PRSS35: variants seen among roughly 807,000 people sequenced by gnomAD.
PRSS35 encodes inactive serine protease 35.
Under a neutral mutation model 8.1 loss-of-function variants are expected in PRSS35, and 7 were observed. The ratio of observed to expected loss-of-function variants is 0.86; its 90% CI spans 0.49 to 1.62. The LOEUF (loss-of-function observed/expected upper bound fraction) is 1.62, where lower values mean the gene tolerates loss of function less well. PRSS35 is among the 40% of genes most tolerant of loss of function. The pLI, the probability that PRSS35 is intolerant of heterozygous loss-of-function variation, is 0.00. For synonymous variants in PRSS35, 199 were observed against 188.7 expected (o/e 1.05, Z -0.45); for missense variants, 566 against 518.0 (o/e 1.09, Z -0.90).
intron 1 of PRSS35, among the ~76,000 whole-genome samples, chr6:83,513,440 G>T (rs1487334839): frequency 2.0e-5 from 3 of 152,162 alleles, no homozygotes; most frequent in South Asian, 2.1e-4. Context: ...TGTCTAGGGG[G>T]CTTTCACCCC....
At chr6:83,523,293 C>A in intron 1 of PRSS35, 129 bp from the exon 2 acceptor site, 1 of 686,840 alleles carries the variant, frequency 1.5e-6, no homozygotes, top group Non-Finnish European at 2.4e-6. Context: ...TCAATAAAAT[C>A]TAGGTAAGGT....
rs780712654 is a variant in PRSS35, at chr6:83,524,519, A to C, written c.1078A>C (p.Lys360Gln). The part of the protein sequence containing the change: ...VYLRLKDPDK[K>Q]NWKRKIIAVY... ...TCTGCGTCTGAAAGATCCAGACAAA[A>C]AGAATTGGAAGCGCAAAATCATTGC... Residue 360 changes from lysine to glutamine, a missense_variant, in exon 2 of 2, where the codon AAG becomes CAG. Coordinates refer to ENST00000369700, the MANE Select transcript of PRSS35 (RefSeq NM_153362.3). The C allele has an allele frequency of 6.2e-7, 1 of 1,614,050 alleles. No individual in the cohort carries two copies. Among genetic ancestry groups the C allele is most frequent in the African/African-American group, 1.3e-5 (1 of 74,904 alleles).
At chr6:83,521,515 C>T (rs565101735) in intron 1 of PRSS35, among the ~76,000 whole-genome samples, 54 of 149,602 alleles carry the variant, frequency 3.6e-4, no homozygotes, top group African/African-American at 1.2e-3. Context: ...CACCTCCCCC[C>T]CTCCTCTCCT....
At position 83,524,750 on chromosome 6, in the gene PRSS35, G is replaced by T; in HGVS notation, c.*67G>T. 1 of 1,455,292 alleles carries T rather than the reference G, an allele frequency of 6.9e-7. No individual in the cohort carries two copies. Among genetic ancestry groups the T allele is most frequent in the Non-Finnish European group, 9.3e-7 (1 of 1,080,610 alleles). 90.1% of individuals were successfully genotyped at this position (1,455,292 alleles called of 1,614,324 possible). On this transcript the variant is annotated 3_prime_UTR_variant, in exon 2 of 2. Transcript: ENST00000369700. ...GAAAACCAGCTCTGCTTACCGTAGT[G>T]AGATCACTTCATAGGTTATGCCTGG... is the stretch of plus-strand genomic sequence containing the variant.
At chr6:83,513,084 G>A (rs908029804) in intron 1 of PRSS35, among the ~76,000 whole-genome samples, 2 of 152,042 alleles carry the variant, frequency 1.3e-5, no homozygotes, top group Non-Finnish European at 2.9e-5. Context: ...TTATCAACTT[G>A]GCTGCGGAGG....
In PRSS35 at chr6:83,512,701, A is replaced by G. The variant is rs2127712299; in HGVS notation, c.-21+7A>G. 6.6e-6 allele frequency: 1 copy of G among 152,372 alleles called. No individual in the cohort carries two copies. The highest frequency in any genetic ancestry group is 6.5e-5 in the Admixed American group (1 of 15,294). 9.4% of individuals were successfully genotyped at this position (152,372 alleles called of 1,614,324 possible). ...GACCAAACAAGCCTGGCAGGTAAAG[A>G]TGAAGCTCCCCAAACCCAACAACCT... is the stretch of plus-strand genomic sequence containing the variant. On this transcript the variant is annotated splice_region_variant and intron_variant, in intron 1 of 1. Transcript: ENST00000369700.
chr6:83,516,580 A>G (rs1771722083), intron 1 of PRSS35, among the ~76,000 whole-genome samples: 1 of 150,562 alleles, frequency 6.6e-6, no homozygotes, highest in East Asian at 1.9e-4. Context: ...CGTCTCAAAA[A>G]AAAAAAAAAA....
intron 1 of PRSS35, among the ~76,000 whole-genome samples, chr6:83,522,115 T>G (rs573130921): frequency 8.3e-4 from 127 of 152,138 alleles, no homozygotes; most frequent in African/African-American, 2.8e-3. Flanking sequence ...AAAAAAGAAA[T>G]AAATAAAATA....
Position 83,524,113 on chromosome 6 carries a change from G to A in PRSS35, c.672G>A (p.Arg224=), listed in dbSNP as rs193123884. The A allele has an allele frequency of 1.9e-6, 3 of 1,614,122 alleles. No individual in the cohort carries two copies. Among genetic ancestry groups the A allele is most frequent in the South Asian group, 2.2e-5 (2 of 91,080 alleles). Residue 224 remains arginine, a synonymous_variant, in exon 2 of 2, where the codon CGG becomes CGA. Transcript: ENST00000369700. ...GAGAGGGTACCAGAGAGCATCTGCG[G>A]GAGAGAGCGAAGGGTGGGAGAAGAA... The part of the protein sequence containing the change: ...DQREGTREHL[R]ERAKGGRRRK...
In PRSS35 at chr6:83,524,400, T is replaced by C. The variant is rs372801380; in HGVS notation, c.959T>C (p.Leu320Ser). The C allele has an allele frequency of 6.2e-7, 1 of 1,614,200 alleles. No individual in the cohort carries two copies. Among genetic ancestry groups the C allele is most frequent in the Non-Finnish European group, 8.5e-7 (1 of 1,180,046 alleles). ...SGFDNDRADQLVYRFCSVSDE... is the reference protein window; with the variant it reads ...SGFDNDRADQSVYRFCSVSDE... Reference sequence around the variant, plus strand: ...TTTGATAACGATAGGGCTGATCAGTTGGTCTATCGGTTTTGCAGTGTGTCC... The same window carrying C: ...TTTGATAACGATAGGGCTGATCAGTCGGTCTATCGGTTTTGCAGTGTGTCC... The change falls in exon 2 of 2, where the codon TTG (leucine) becomes TCG (serine). Residue 320 changes from leucine to serine, a missense_variant. Coordinates refer to ENST00000369700, the MANE Select transcript of PRSS35 (RefSeq NM_153362.3).
chr6:83,514,491 AT>A (rs1771677218), intron 1 of PRSS35, among the ~76,000 whole-genome samples: 1 of 152,268 alleles, frequency 6.6e-6, no homozygotes, highest in East Asian at 1.9e-4. Context: ...TTAAGCAGAC[AT>A]TTTTTTGGTC....
At position 83,525,382 on chromosome 6, in the gene PRSS35, A is replaced by G. The variant is rs1028041429; in HGVS notation, c.*699A>G. 2 of 167,062 alleles carry G rather than the reference A, an allele frequency of 1.2e-5. No individual in the cohort carries two copies. Among genetic ancestry groups the G allele is most frequent in the African/African-American group, 4.8e-5 (2 of 41,468 alleles). The allele number at this position is 167,062 out of a possible 1,614,324, so 10.3% of individuals were successfully genotyped here. On this transcript the variant is annotated 3_prime_UTR_variant, in exon 2 of 2. Coordinates refer to ENST00000369700, the MANE Select transcript of PRSS35 (RefSeq NM_153362.3). ...TATGAAATAAACCTAGTTTAGAAAT[A>G]GGGAAGCTGAGACATTTTAAGATCT...
chr6:83,524,651 C>A lies in PRSS35; in HGVS notation c.1210C>A (p.His404Asn). 6.2e-7 allele frequency: 1 copy of A among 1,612,326 alleles called. No individual in the cohort carries two copies. Among genetic ancestry groups the A allele is most frequent in the Middle Eastern group, 1.7e-4 (1 of 6,018 alleles). The part of the protein sequence containing the change: ...LKYAQICLWI[H>N]GNDANCAYG Reference sequence around the variant, plus strand: ...ATACGCCCAGATTTGCCTCTGGATTCACGGGAACGATGCCAATTGTGCTTA... The same window carrying A: ...ATACGCCCAGATTTGCCTCTGGATTAACGGGAACGATGCCAATTGTGCTTA... Residue 404 changes from histidine to asparagine, a missense_variant, in exon 2 of 2, where the codon CAC becomes AAC. His to Asn is a moderately conservative substitution (Grantham distance 68). Transcript: ENST00000369700.
At chr6:83,515,848 C>A (rs1269737808) in intron 1 of PRSS35, among the ~76,000 whole-genome samples, 1 of 151,338 alleles carries the variant, frequency 6.6e-6, no homozygotes, top group Non-Finnish European at 1.5e-5. Flanking sequence ...CGGAGTCTCG[C>A]TCTGTTGCCC....
chr6:83,521,577 A>G (rs1771823070), intron 1 of PRSS35, among the ~76,000 whole-genome samples: 1 of 146,490 alleles, frequency 6.8e-6, no homozygotes. Context: ...TGCCATGATC[A>G]TGGTTTACTG....
In PRSS35 at chr6:83,524,586, A is replaced by G. The variant is rs780968244; in HGVS notation, c.1145A>G (p.Gln382Arg). 2.5e-6 allele frequency: 4 copies of G among 1,614,084 alleles called. No individual in the cohort carries two copies. The highest frequency in any genetic ancestry group is 3.4e-6 in the Non-Finnish European group (4 of 1,180,048). ...GHQWVDVHGV[Q>R]KDYNVAVRIT... ...CAGTGGGTGGATGTCCACGGGGTTC[A>G]GAAGGACTACAACGTTGCTGTTCGC... Residue 382 changes from glutamine (Q) to arginine (R), a missense_variant, in exon 2 of 2, where the codon CAG becomes CGG. Physicochemically the swap from Gln to Arg is conservative, Grantham distance 43 (BLOSUM62 1). Transcript: ENST00000369700.
chr6:83,514,540 T>C (rs1771678084), intron 1 of PRSS35, among the ~76,000 whole-genome samples: 1 of 152,246 alleles, frequency 6.6e-6, no homozygotes, highest in Non-Finnish European at 1.5e-5. Flanking sequence ...AGTGCTATGG[T>C]ATGATATTTT....
intron 1 of PRSS35, among the ~76,000 whole-genome samples, chr6:83,514,240 T>C (rs972725332): frequency 1.3e-5 from 2 of 152,222 alleles, no homozygotes; most frequent in African/African-American, 4.8e-5. Flanking sequence ...CTATATGCTG[T>C]GCACTTCATA....
chr6:83,523,857 T>G lies in PRSS35; in HGVS notation c.416T>G (p.Leu139Ter). Residue 139 changes from leucine (L) to a stop codon, truncating the protein, a stop_gained, in exon 2 of 2, where the codon TTA becomes TGA. Transcript: ENST00000369700. LOFTEE classifies it low-confidence loss of function (END_TRUNC). ...SRFSILDKRF[L>*]TNFPFSTAVK... Reference sequence around the variant, plus strand: ...TTCAGCATCTTGGACAAAAGGTTCTTAACCAATTTCCCTTTCAGCACAGCT... The same window carrying G: ...TTCAGCATCTTGGACAAAAGGTTCTGAACCAATTTCCCTTTCAGCACAGCT... 1 of 1,614,190 alleles carries G rather than the reference T, an allele frequency of 6.2e-7. No homozygotes were observed. Among genetic ancestry groups the G allele is most frequent in the Non-Finnish European group, 8.5e-7 (1 of 1,180,010 alleles).
Sources: gnomAD v4.1 joint callset for allele counts (sites outside exome capture counted in the v4.1 genomes callset) on GRCh38, gnomAD v4.1.1 for gene constraint, MANE v1.5 for transcripts, NCBI Gene and HGNC (gene_info 2026-07-23, HGNC 2026-07-21) for gene names.